The following HPS3 variants were observed in gnomAD, a reference collection of about 807,000 sequenced individuals.
HPS3 encodes the protein HPS3 biogenesis of lysosomal organelles complex 2 subunit 1, also known as BLOC-2 complex member HPS3.
Under a neutral mutation model 110.9 loss-of-function variants are expected in HPS3, and 79 were observed. The ratio of observed to expected loss-of-function variants is 0.71; its 90% CI spans 0.59 to 0.86. The LOEUF is 0.86. Ranked by LOEUF, HPS3 falls within the 40% of genes least tolerant of loss-of-function variation. The pLI is 0.00. For missense variants in HPS3, 1,197 were observed against 1,206.2 expected (o/e 0.99, Z 0.11); for synonymous variants, 428 against 451.0 (o/e 0.95, Z 0.65).
chr3:149,153,663 G>A lies in HPS3; in HGVS notation c.1400+15G>A, dbSNP rs750914052. On this transcript the variant is annotated intron_variant, in intron 7 of 16. Coordinates refer to ENST00000296051, the MANE Select transcript of HPS3 (RefSeq NM_032383.5). The stretch of plus-strand genomic sequence containing the variant: ...AAGAGGCTTCTGTAAGCATCCCCTT[G>A]CCCCAGGCATTCCTGCCAGTTTCTG... 1.2e-6 allele frequency: 2 copies of A among 1,613,706 alleles called. No homozygotes were observed. The highest frequency in any genetic ancestry group is 1.7e-5 in the Admixed American group (1 of 60,028).
At position 149,162,761 on chromosome 3, in the gene HPS3, A is replaced by G. The variant is rs149563235; in HGVS notation, c.2364A>G (p.Ala788=). The G allele has an allele frequency of 5.3e-5, 85 of 1,614,022 alleles. No individual in the cohort carries two copies. The African/African-American group carries it at 9.1e-4, about 17-fold the overall frequency. The change falls in exon 13 of 17, where the codon GCA becomes GCG. Residue 788 remains alanine, a synonymous_variant. Coordinates refer to ENST00000296051, the MANE Select transcript of HPS3 (RefSeq NM_032383.5). Reference sequence around the variant, plus strand: ...ACTTTTGGGAAGCTCAGCTAGTGGCATGTCTCCCAGATGTGGTACTTCAGG... The same window carrying G: ...ACTTTTGGGAAGCTCAGCTAGTGGCGTGTCTCCCAGATGTGGTACTTCAGG... ...LVDFWEAQLV[A]CLPDVVLQEL...
chr3:149,140,425 A>G lies in HPS3; in HGVS notation c.639A>G (p.Ser213=), dbSNP rs1436887451. The G allele has an allele frequency of 1.2e-6, 2 of 1,612,148 alleles. No individual in the cohort carries two copies. Among genetic ancestry groups the G allele is most frequent in the Admixed American group, 3.3e-5 (2 of 59,734 alleles). ...DLEVLIVKLE[S]GPKNGERVHH... Reference sequence around the variant, plus strand: ...AAGTCTTAATCGTAAAACTGGAGTCAGGCCCTAAAAATGGAGAGAGAGTTC... The same window carrying G: ...AAGTCTTAATCGTAAAACTGGAGTCGGGCCCTAAAAATGGAGAGAGAGTTC... The change falls in exon 2 of 17, where the codon TCA becomes TCG. Residue 213 remains serine, a synonymous_variant. Coordinates refer to ENST00000296051, the MANE Select transcript of HPS3 (RefSeq NM_032383.5).
intron 12 of HPS3, 80 bp downstream of exon 12, chr3:149,162,413 GT>G: frequency 7.6e-7 from 1 of 1,320,014 alleles, no homozygotes; most frequent in Admixed American, 1.7e-5. Context: ...AGAGAAGTGA[GT>G]TTTTCATTTG....
At chr3:149,150,899 A>T (rs1214026879) in intron 6 of HPS3, among the ~76,000 whole-genome samples, 2 of 152,196 alleles carry the variant, frequency 1.3e-5, no homozygotes, top group Non-Finnish European at 2.9e-5. Context: ...TTCACTCCGA[A>T]TTGATTTAGT....
In HPS3 at chr3:149,173,533, TG is replaced by T. The variant is rs1725193940; in HGVS notation, c.*1312del. 4.0e-6 allele frequency: 2 copies of T among 500,888 alleles called. No homozygotes were observed. Among genetic ancestry groups the T allele is most frequent in the Admixed American group, 7.2e-5 (2 of 27,866 alleles). The allele number at this position is 500,888 out of a possible 1,614,324, so 31.0% of individuals were successfully genotyped here. ...AGTCATGTATCATTATATAGTCTGT[TG>T]ATCTTTCCATTTGCAAAAAATTAAT... On this transcript the variant is annotated 3_prime_UTR_variant, in exon 17 of 17. Transcript: ENST00000296051.
intron 1 of HPS3, among the ~76,000 whole-genome samples, chr3:149,132,309 C>T (rs780808700): frequency 6.6e-6 from 1 of 152,182 alleles, no homozygotes; most frequent in Non-Finnish European, 1.5e-5. Flanking sequence ...CAGGCTGACT[C>T]TTGTTAGGGG....
At chr3:149,137,609 T>C (rs111635050) in intron 1 of HPS3, among the ~76,000 whole-genome samples, 6 of 152,326 alleles carry the variant, frequency 3.9e-5, no homozygotes, top group African/African-American at 1.2e-4. Context: ...AAATAAAATA[T>C]ATTGTATGAA....
rs1725095023 is a variant in HPS3, at chr3:149,172,395, T to C, written c.*173T>C. ...TGCTTTCAGGCTGCTTACCTTACCG[T>C]GTAGTGGTAACTATTCACTTCTTAA... is the stretch of plus-strand genomic sequence containing the variant. On this transcript the variant is annotated 3_prime_UTR_variant, in exon 17 of 17. Coordinates refer to ENST00000296051, the MANE Select transcript of HPS3 (RefSeq NM_032383.5). The C allele has an allele frequency of 1.8e-6, 1 of 569,024 alleles. No individual in the cohort carries two copies. Among genetic ancestry groups the C allele is most frequent in the Admixed American group, 2.8e-5 (1 of 35,804 alleles). 35.2% of individuals were successfully genotyped at this position (569,024 alleles called of 1,614,324 possible). A position where few individuals can be genotyped will look rare whatever the true frequency, so the allele number is the denominator to read the frequency against.
chr3:149,170,301 G>GT (rs571758095), intron 16 of HPS3, among the ~76,000 whole-genome samples: 1 of 152,126 alleles, frequency 6.6e-6, no homozygotes, highest in African/African-American at 2.4e-5. Flanking sequence ...CTCCAACTCA[G>GT]TTTTTTTGTT....
chr3:149,157,595 C>A, intron 9 of HPS3, 64 bp downstream of exon 9: 1 of 1,435,838 alleles, frequency 7.0e-7, no homozygotes, highest in Non-Finnish European at 9.8e-7. Flanking sequence ...CACTTGTTAG[C>A]TTTTCCATCT....
chr3:149,161,207 T>C (rs755082000), intron 11 of HPS3, among the ~76,000 whole-genome samples: 1 of 152,176 alleles, frequency 6.6e-6, no homozygotes, highest in Non-Finnish European at 1.5e-5. Flanking sequence ...AAATGAATTT[T>C]ATCTTCATAA....
intron 5 of HPS3, 71 bp downstream of exon 5, chr3:149,145,617 T>C (rs1576672511): frequency 8.7e-7 from 1 of 1,143,692 alleles, no homozygotes; most frequent in Non-Finnish European, 1.3e-6. Flanking sequence ...TTCCTAAATC[T>C]GTGAGAATTG....
chr3:149,172,844 T>C lies in HPS3; in HGVS notation c.*622T>C, dbSNP rs1274001863. 1 of 152,652 alleles carries C rather than the reference T, an allele frequency of 6.6e-6. No homozygotes were observed. The highest frequency in any genetic ancestry group is 1.5e-5 in the Non-Finnish European group (1 of 68,114). 9.5% of individuals were successfully genotyped at this position (152,652 alleles called of 1,614,324 possible). A position where few individuals can be genotyped will look rare whatever the true frequency, so the allele number is the denominator to read the frequency against. ...TCTTCTTGTCTAGCTATTAACATGATTTGTCAAATGCATGTTTTTTTCAGC... is the reference window on the plus strand; with the variant it reads ...TCTTCTTGTCTAGCTATTAACATGACTTGTCAAATGCATGTTTTTTTCAGC... On this transcript the variant is annotated 3_prime_UTR_variant, in exon 17 of 17. Coordinates refer to ENST00000296051, the MANE Select transcript of HPS3 (RefSeq NM_032383.5).
In HPS3 at chr3:149,129,732, G is replaced by A; in HGVS notation, c.9G>A (p.Gln3=). ...TCCCGCCGGACGTCGGGATGGTGCA[G>A]CTGTACAACCTGCACCCGTTCGGGT... MV[Q]LYNLHPFGSQ... Residue 3 remains glutamine, a synonymous_variant, in exon 1 of 17, where the codon CAG becomes CAA. Coordinates refer to ENST00000296051, the MANE Select transcript of HPS3 (RefSeq NM_032383.5). 2 of 1,600,046 alleles carry A rather than the reference G, an allele frequency of 1.2e-6. No individual in the cohort carries two copies. The highest frequency in any genetic ancestry group is 1.3e-5 in the African/African-American group (1 of 74,790).
intron 14 of HPS3, among the ~76,000 whole-genome samples, 175 bp downstream of exon 14, chr3:149,164,124 T>C (rs1576699055): frequency 1.3e-5 from 2 of 152,274 alleles, no homozygotes; most frequent in South Asian, 4.1e-4. Context: ...TGCCTGAAAC[T>C]GATGATGGTT....
At chr3:149,133,798 TTTTG>T (rs1008237542) in intron 1 of HPS3, among the ~76,000 whole-genome samples, 16 of 152,318 alleles carry the variant, frequency 1.1e-4, no homozygotes, top group Admixed American at 2.6e-4. Flanking sequence ...TGCTTTGTTT[TTTTG>T]TTTGTTTGTT....
rs979560214 is a variant in HPS3 at position 149,151,303 on chromosome 3, G to A, written c.1245+623G>A. Among the ~76,000 whole-genome samples the A allele has an allele frequency of 4.2e-4, 63 of 151,708 alleles. 1 individual carries two copies. The highest frequency in any genetic ancestry group is 4.4e-5 in the Non-Finnish European group (3 of 67,948). ...CTGCCTCAGCCTCCCAAAATGGTGG[G>A]ATTACAGGCATGAACCACCATGCCT... On this transcript the variant is annotated intron_variant, in intron 6 of 16. Coordinates refer to ENST00000296051, the MANE Select transcript of HPS3 (RefSeq NM_032383.5).
In HPS3 at chr3:149,166,275, A is replaced by G. The variant is rs569285540; in HGVS notation, c.2590-759A>G. 5.9e-4 allele frequency among the ~76,000 whole-genome samples: 90 copies of G among 152,340 alleles called. 1 individual carries two copies. Among genetic ancestry groups the G allele is most frequent in the African/African-American group, 1.9e-3 (79 of 41,586 alleles). ...TATTGATAACAATGATTAGTTCTAA[A>G]CAATCACTTTAGTCTTATTAAGTGT... On this transcript the variant is annotated intron_variant, in intron 14 of 16. Coordinates refer to ENST00000296051, the MANE Select transcript of HPS3 (RefSeq NM_032383.5).
chr3:149,168,221 C>A, intron 16 of HPS3: 1 of 467,492 alleles, frequency 2.1e-6, no homozygotes. Flanking sequence ...AACAAATTAT[C>A]ACAGTCATAG....
Sources: gnomAD v4.1 joint callset for allele counts (sites outside exome capture counted in the v4.1 genomes callset) on GRCh38, gnomAD v4.1.1 for gene constraint, MANE v1.5 for transcripts, NCBI Gene and HGNC (gene_info 2026-07-23, HGNC 2026-07-21) for gene names.